Variants in OXTR observed in about 807,000 individuals in gnomAD.
OXTR encodes the protein oxytocin receptor.
OXTR carries 19 observed loss-of-function variants against 23.9 expected under a neutral mutation model. The ratio of observed to expected loss-of-function variants is 0.80; its 90% CI spans 0.56 to 1.17. The LOEUF (loss-of-function observed/expected upper bound fraction) is 1.17. OXTR is among the 50% of genes most tolerant of loss of function. OXTR has a pLI of 0.00. For missense variants in OXTR, 500 were observed against 550.7 expected (o/e 0.91, Z 0.92); for synonymous variants, 278 against 250.5 (o/e 1.11, Z -1.04).
chr3:8,751,846 G>A lies in OXTR; in HGVS notation c.*1131C>T, dbSNP rs1291922643. The A allele has an allele frequency of 1.3e-5, 2 of 151,820 alleles. No homozygotes were observed. The highest frequency in any genetic ancestry group is 2.9e-5 in the Non-Finnish European group (2 of 67,956). 9.4% of individuals were successfully genotyped at this position (151,820 alleles called of 1,614,324 possible). A position where few individuals can be genotyped will look rare whatever the true frequency, so the allele number is the denominator to read the frequency against. ...TTTCAAGGCTTATTTGGATATTCTG[G>A]GTCCCTTGCATTTCTTTATGAATTT... On this transcript the variant is annotated 3_prime_UTR_variant, in exon 4 of 4. Coordinates refer to ENST00000316793, the MANE Select transcript of OXTR (RefSeq NM_000916.4).
chr3:8,742,736 G>A, the OXTR span: 11 of 300,270 alleles, frequency 3.7e-5, no homozygotes, highest in African/African-American at 6.7e-5. Flanking sequence ...GTGTGGGTGG[G>A]TGGATGGATG....
chr3:8,768,341 C>G lies in OXTR; in HGVS notation c.-142-12G>C, dbSNP rs200929402. Reference sequence around the variant, plus strand: ...CTGCTGGGTCCACCCTGAAACAAACCGGGAGGGCCGTGAGGAGACCGCCGC... The same window carrying G: ...CTGCTGGGTCCACCCTGAAACAAACGGGGAGGGCCGTGAGGAGACCGCCGC... On this transcript the variant is annotated splice_polypyrimidine_tract_variant and intron_variant, in intron 2 of 3. Coordinates refer to ENST00000316793, the MANE Select transcript of OXTR (RefSeq NM_000916.4). The surrounding 1 kb of genome is among the most constrained non-coding windows in gnomAD (Gnocchi z 5.4). 63 of 1,163,846 alleles carry G rather than the reference C, an allele frequency of 5.4e-5. No homozygotes were observed. The highest frequency in any genetic ancestry group is 6.5e-5 in the Non-Finnish European group (61 of 933,806). The allele number at this position is 1,163,846 out of a possible 1,614,324, so 72.1% of individuals were successfully genotyped here.
At chr3:8,745,997 A>AGTC, downstream of OXTR, 1 of 707,546 alleles carries the variant, frequency 1.4e-6, no homozygotes, top group Non-Finnish European at 2.3e-6. The surrounding 1 kb of genome is among the most constrained non-coding windows in gnomAD (Gnocchi z 4.8). Context: ...ATGATGGAGC[A>AGTC]CACGGTGTAG....
chr3:8,753,982 C>A (rs779531541), intron 3 of OXTR, among the ~76,000 whole-genome samples: 6 of 152,106 alleles, frequency 3.9e-5, no homozygotes, highest in Non-Finnish European at 7.3e-5. Flanking sequence ...AAATGTGCTC[C>A]AGGCAGAAGG....
At chr3:8,745,498 T>C (rs890779080), downstream of OXTR, 2 of 1,581,666 alleles carry the variant, frequency 1.3e-6, no homozygotes, top group African/African-American at 2.7e-5. The surrounding 1 kb of genome is among the most constrained non-coding windows in gnomAD (Gnocchi z 4.8). Flanking sequence ...CTTCTGTGAG[T>C]TGAGGCTTCC....
At chr3:8,761,327 C>T (rs368092199) in intron 3 of OXTR, among the ~76,000 whole-genome samples, 5 of 152,078 alleles carry the variant, frequency 3.3e-5, no homozygotes, top group Non-Finnish European at 5.9e-5. Flanking sequence ...ATGTGTACCT[C>T]GGTGTGTGTG....
chr3:8,754,035 T>C (rs1395916695), intron 3 of OXTR, among the ~76,000 whole-genome samples: 1 of 152,140 alleles, frequency 6.6e-6, no homozygotes, highest in Non-Finnish European at 1.5e-5. Flanking sequence ...CTGTATGACA[T>C]CTTCATGGCT....
At chr3:8,761,249 G>A (rs895218585) in intron 3 of OXTR, among the ~76,000 whole-genome samples, 1 of 152,244 alleles carries the variant, frequency 6.6e-6, no homozygotes, top group African/African-American at 2.4e-5. Context: ...TAGAACTGGT[G>A]GACACAGGGA....
In OXTR at chr3:8,752,108, TA is replaced by T. The variant is rs1466725657; in HGVS notation, c.*868del. On this transcript the variant is annotated 3_prime_UTR_variant, in exon 4 of 4. Transcript: ENST00000316793. ...CCTATTTTATTCTTTCTGATGGTAT[TA>T]TAAATGGAATTATTTAACTTCGTTT... 1.3e-5 allele frequency: 2 copies of T among 152,246 alleles called. No individual in the cohort carries two copies. The highest frequency in any genetic ancestry group is 1.5e-5 in the Non-Finnish European group (1 of 68,044). The allele number at this position is 152,246 out of a possible 1,614,324, so 9.4% of individuals were successfully genotyped here.
chr3:8,755,541 T>C (rs1708353177), intron 3 of OXTR, among the ~76,000 whole-genome samples: 1 of 152,232 alleles, frequency 6.6e-6, no homozygotes, highest in South Asian at 2.1e-4. Context: ...AGAAAATAGT[T>C]AATGAATTCC....
intron 3 of OXTR, among the ~76,000 whole-genome samples, chr3:8,766,241 G>C (rs1708604125): frequency 6.6e-6 from 1 of 152,168 alleles, no homozygotes; most frequent in South Asian, 2.1e-4. Flanking sequence ...CTGGAAAGGG[G>C]TTGGGGGGCA....
chr3:8,760,988 G>C (rs1269410092), intron 3 of OXTR, among the ~76,000 whole-genome samples: 3 of 152,224 alleles, frequency 2.0e-5, no homozygotes, highest in Admixed American at 1.3e-4. Context: ...AATGTCTGGA[G>C]ACAGTTTTGG....
In OXTR at chr3:8,768,338, A is replaced by C; in HGVS notation, c.-142-9T>G. On this transcript the variant is annotated splice_polypyrimidine_tract_variant and intron_variant, in intron 2 of 3. Transcript: ENST00000316793. The surrounding 1 kb of genome is among the most constrained non-coding windows in gnomAD (Gnocchi z 5.4). ...GATCTGCTGGGTCCACCCTGAAACA[A>C]ACCGGGAGGGCCGTGAGGAGACCGC... 8.6e-7 allele frequency: 1 copy of C among 1,165,258 alleles called. No individual in the cohort carries two copies. Among genetic ancestry groups the C allele is most frequent in the Non-Finnish European group, 1.1e-6 (1 of 934,888 alleles). The allele number at this position is 1,165,258 out of a possible 1,614,324, so 72.2% of individuals were successfully genotyped here.
chr3:8,754,540 G>A (rs1397057075), intron 3 of OXTR, among the ~76,000 whole-genome samples: 1 of 152,196 alleles, frequency 6.6e-6, no homozygotes, highest in African/African-American at 2.4e-5. Flanking sequence ...ATCCAGGGAA[G>A]GACTCTTCAC....
In OXTR at chr3:8,768,426, G is replaced by C; in HGVS notation, c.-143+70C>G. 1.8e-6 allele frequency: 1 copy of C among 550,034 alleles called. No individual in the cohort carries two copies. The highest frequency in any genetic ancestry group is 2.0e-5 in the African/African-American group (1 of 50,640). The allele number at this position is 550,034 out of a possible 1,614,324, so 34.1% of individuals were successfully genotyped here. ...CCATTCCCAGGAACCCAACTCATCT[G>C]AAACAACAGGGCACAACCGCCGGCC... On this transcript the variant is annotated intron_variant, in intron 2 of 3. Coordinates refer to ENST00000316793, the MANE Select transcript of OXTR (RefSeq NM_000916.4). This position sits in a 1 kb window ranked among gnomAD's most constrained non-coding sequence, Gnocchi z 5.4.
At chr3:8,758,051 C>T (rs115787100) in intron 3 of OXTR, among the ~76,000 whole-genome samples, 1,902 of 152,080 alleles carry the variant, frequency 0.013, 35 homozygotes, top group African/African-American at 0.042. Context: ...GTGTGCCAAG[C>T]GGGGGACATG....
Position 8,767,859 on chromosome 3 carries a change from AGG to A in OXTR, c.327_328del (p.Leu110AlafsTer72). 6.2e-7 allele frequency: 1 copy of A among 1,613,252 alleles called. No homozygotes were observed. Among genetic ancestry groups the A allele is most frequent in the Non-Finnish European group, 8.5e-7 (1 of 1,179,630 alleles). On this transcript the variant is annotated frameshift_variant, in exon 3 of 4. Coordinates refer to ENST00000316793, the MANE Select transcript of OXTR (RefSeq NM_000916.4). LOFTEE classifies it high-confidence loss of function. Reference sequence around the variant, plus strand: ...CAAGTACTTGACCAGGCGGCACAGCAGGTCGGGCCCGTAGAAGCGGAAGGTGA... The same window carrying A: ...CAAGTACTTGACCAGGCGGCACAGCATCGGGCCCGTAGAAGCGGAAGGTGA...
chr3:8,746,797 T>TCACACACACACACACACACACA (rs113631543), downstream of OXTR: 4 of 133,080 alleles, frequency 3.0e-5, no homozygotes, highest in African/African-American at 1.1e-4. Context: ...TCTCTCTCTC[T>TCACACACACACACACACACACA]CTCACACACA....
chr3:8,761,746 AC>A (rs1431078516), intron 3 of OXTR, among the ~76,000 whole-genome samples: 1 of 152,196 alleles, frequency 6.6e-6, no homozygotes, highest in Non-Finnish European at 1.5e-5. Flanking sequence ...GGCTGCTGTT[AC>A]CAACTGATCC....
Sources: allele counts gnomAD v4.1 joint callset (sites outside exome capture counted in the v4.1 genomes callset), GRCh38; gene constraint gnomAD v4.1.1; non-coding constraint Gnocchi (gnomAD v3.1); transcripts MANE v1.5; gene names NCBI Gene and HGNC (gene_info 2026-07-23, HGNC 2026-07-21).